The following USB1 variants were observed in gnomAD, a reference collection of about 807,000 sequenced individuals.
USB1 encodes U6 snRNA biogenesis phosphodiesterase 1, also known as U6 snRNA phosphodiesterase 1.
USB1 carries 21 observed loss-of-function variants against 29.9 expected under a neutral mutation model. The observed-to-expected ratio is 0.70, with a 90% CI of 0.50 to 1.01. The LOEUF (loss-of-function observed/expected upper bound fraction) is 1.01. USB1 is among the 50% of genes least tolerant of loss of function. The pLI is 0.00. For synonymous variants in USB1, 143 were observed against 134.9 expected (o/e 1.06, Z -0.42); for missense variants, 330 against 347.1 (o/e 0.95, Z 0.39).
At chr16:58,010,160 TCTC>T (rs758007264) in intron 3 of USB1, 48 bp downstream of exon 3, 46 of 1,608,888 alleles carry the variant, frequency 2.9e-5, no homozygotes, top group Non-Finnish European at 3.7e-5. Context: ...CTCCATGGCT[TCTC>T]CTCCTCTCCT....
At chr16:58,010,195 C>G in intron 3 of USB1, 83 bp downstream of exon 3, 1 of 1,548,396 alleles carries the variant, frequency 6.5e-7, no homozygotes, top group Non-Finnish European at 8.9e-7. Flanking sequence ...GGCATTACCC[C>G]AGCAGGCAGG....
chr16:58,015,707 C>T (rs777939890), intron 4 of USB1: 1 of 152,012 alleles, frequency 6.6e-6, no homozygotes, highest in Non-Finnish European at 1.5e-5. Flanking sequence ...GGGAAGTGGC[C>T]AGGGAGATGG....
chr16:58,003,209 G>A (rs1963273204), intron 2 of USB1, among the ~76,000 whole-genome samples: 1 of 152,210 alleles, frequency 6.6e-6, no homozygotes, highest in Non-Finnish European at 1.5e-5. Context: ...CAGATCACTT[G>A]AGCCCAGGTG....
At chr16:58,004,186 A>G (rs955964489) in intron 2 of USB1, among the ~76,000 whole-genome samples, 3 of 152,190 alleles carry the variant, frequency 2.0e-5, no homozygotes, top group Non-Finnish European at 2.9e-5. Flanking sequence ...TTATTCCAGC[A>G]CCATTGGTTG....
At chr16:58,012,835 C>G in intron 3 of USB1, 1 of 992,576 alleles carries the variant, frequency 1.0e-6, no homozygotes, top group Non-Finnish European at 1.2e-6. Flanking sequence ...GGCCTGGGCT[C>G]CCCTGCATAC....
intron 1 of USB1, 110 bp downstream of exon 1, chr16:58,001,691 G>C (rs937581651): frequency 8.2e-7 from 1 of 1,225,030 alleles, no homozygotes. Context: ...GCGGCTCTGG[G>C]AAGGAAAAGG....
At chr16:58,014,120 A>G (rs764005132) in intron 3 of USB1, 153 bp from the exon 4 acceptor site, 1 of 662,338 alleles carries the variant, frequency 1.5e-6, no homozygotes, top group Non-Finnish European at 2.7e-6. Flanking sequence ...TCTAATGTTT[A>G]AGGTTCAGTA....
chr16:58,018,357 G>A (rs1395375735), intron 5 of USB1, among the ~76,000 whole-genome samples: 2 of 151,844 alleles, frequency 1.3e-5, no homozygotes, highest in African/African-American at 4.8e-5. Context: ...CCAAGTGGCT[G>A]GGACTACATG....
At chr16:58,004,806 T>C (rs772629717) in intron 2 of USB1, among the ~76,000 whole-genome samples, 3 of 152,082 alleles carry the variant, frequency 2.0e-5, no homozygotes, top group South Asian at 2.1e-4. Flanking sequence ...GACGAGAGAT[T>C]GTAGAAATAA....
At chr16:58,006,776 G>T (rs1018678253) in intron 2 of USB1, among the ~76,000 whole-genome samples, 6 of 152,238 alleles carry the variant, frequency 3.9e-5, no homozygotes, top group Admixed American at 6.5e-5. Flanking sequence ...AAAAGCAATA[G>T]TGAGAGGAGG....
At chr16:58,007,051 A>T (rs914191077) in intron 2 of USB1, among the ~76,000 whole-genome samples, 16 of 152,242 alleles carry the variant, frequency 1.1e-4, no homozygotes, top group Non-Finnish European at 5.9e-5. Flanking sequence ...TGCTTTGAAT[A>T]CCTGGGATAA....
rs1360050639 is a variant in USB1 at position 58,017,566 on chromosome 16, C to T, written c.609+127C>T. On this transcript the variant is annotated intron_variant, in intron 5 of 6. Transcript: ENST00000219281. ...ACCTCCCGTGTCGGTGCTCTGAATG[C>T]CAGCCTTCTGAGGATGCACACCTCG... 10 of 860,288 alleles carry T rather than the reference C, an allele frequency of 1.2e-5. No homozygotes were observed. The Admixed American group carries it at 1.8e-4, about 16-fold the overall frequency. The allele number at this position is 860,288 out of a possible 1,614,324, so 53.3% of individuals were successfully genotyped here. A position where few individuals can be genotyped will look rare whatever the true frequency, so the allele number is the denominator to read the frequency against.
At chr16:58,011,648 G>A (rs1229002262) in intron 3 of USB1, 1 of 988,462 alleles carries the variant, frequency 1.0e-6, no homozygotes. Flanking sequence ...TGGCCCTGTG[G>A]TTGTTTCACA....
upstream of USB1, chr16:58,000,415 C>T (rs1963145474): frequency 6.7e-6 from 1 of 150,238 alleles, no homozygotes. This position sits in a 1 kb window ranked among gnomAD's most constrained non-coding sequence, Gnocchi z 4.5. Flanking sequence ...TCCAGGCCGC[C>T]TGCAGGGCAG....
At chr16:58,015,368 G>C (rs575688719) in intron 4 of USB1, 1 of 152,342 alleles carries the variant, frequency 6.6e-6, no homozygotes, top group East Asian at 1.9e-4. Flanking sequence ...AAGTATTAAA[G>C]TGTTAGATGA....
Position 58,019,056 on chromosome 16 carries a change from G to T in USB1, c.693+1G>T, listed in dbSNP as rs1292827495. On this transcript the variant is annotated splice_donor_variant, in intron 6 of 6. Transcript: ENST00000219281. LOFTEE classifies it high-confidence loss of function. The stretch of plus-strand genomic sequence containing the variant: ...GGGGCAGTGCCTGCAGGAACTACAG[G>T]TGAATTTCCAGGGCGGGAGCACAGA... 1.6e-5 allele frequency: 26 copies of T among 1,614,132 alleles called. No individual in the cohort carries two copies. Among genetic ancestry groups the T allele is most frequent in the Non-Finnish European group, 2.1e-5 (25 of 1,180,002 alleles).
chr16:58,014,619 T>C (rs1369983261), intron 4 of USB1, among the ~76,000 whole-genome samples: 1 of 151,786 alleles, frequency 6.6e-6, no homozygotes, highest in Admixed American at 6.6e-5. Context: ...CGTGTCTCTA[T>C]GAAAAATACA....
intron 3 of USB1, chr16:58,012,259 C>G (rs189432686): frequency 1.0e-5 from 16 of 1,534,452 alleles, no homozygotes; most frequent in East Asian, 9.8e-5. Context: ...AGCCCTCCCC[C>G]TCTTTGGATT....
intron 2 of USB1, among the ~76,000 whole-genome samples, chr16:58,003,777 A>T (rs1963288731): frequency 3.9e-5 from 6 of 152,162 alleles, no homozygotes; most frequent in Admixed American, 3.9e-4. Flanking sequence ...ATTTAATATT[A>T]TGATGTGGGT....
Sources: gnomAD v4.1 joint callset for allele counts (sites outside exome capture counted in the v4.1 genomes callset) on GRCh38, gnomAD v4.1.1 for gene constraint, Gnocchi (gnomAD v3.1) non-coding constraint, MANE v1.5 for transcripts, NCBI Gene and HGNC (gene_info 2026-07-23, HGNC 2026-07-21) for gene names.